The following GPC5 variants were observed in gnomAD, a reference collection of about 807,000 sequenced individuals.
GPC5 encodes the protein glypican 5, also known as glypican-5.
In GPC5, 47 loss-of-function variants were observed where a neutral mutation model predicts 53.9. That is an observed-to-expected ratio of 0.87 (90% confidence interval 0.69 to 1.11). The LOEUF is 1.11. Ranked by LOEUF, GPC5 falls within the 50% of genes most tolerant of loss-of-function variation. The probability of loss-of-function intolerance (pLI) is 0.00; values close to 1 mark genes in which losing one functional copy is unlikely to be tolerated. For missense variants in GPC5, 748 were observed against 713.1 expected (o/e 1.05, Z -0.56); for synonymous variants, 286 against 263.3 (o/e 1.09, Z -0.84).
At chr13:92,044,427 G>C (rs1246215040) in intron 6 of GPC5, among the ~76,000 whole-genome samples, 1 of 152,204 alleles carries the variant, frequency 6.6e-6, no homozygotes, top group African/African-American at 2.4e-5. Flanking sequence ...CATAGAATCA[G>C]AAGATGTCAT....
intron 1 of GPC5, among the ~76,000 whole-genome samples, chr13:91,405,273 A>G (rs1877236738): frequency 6.6e-6 from 1 of 152,166 alleles, no homozygotes; most frequent in Admixed American, 6.5e-5. Context: ...TGTGTATTGT[A>G]GAATGTTCAG....
intron 7 of GPC5, among the ~76,000 whole-genome samples, chr13:92,504,842 C>T (rs995629471): frequency 6.6e-6 from 1 of 151,852 alleles, no homozygotes; most frequent in Non-Finnish European, 1.5e-5. Context: ...CTAAATTGAT[C>T]ATAGATGTAC....
intron 5 of GPC5, among the ~76,000 whole-genome samples, chr13:91,844,888 G>T (rs1193654462): frequency 6.6e-6 from 1 of 152,002 alleles, no homozygotes; most frequent in East Asian, 1.9e-4. Context: ...ACCATGCCCA[G>T]CTAATTTTGC....
intron 2 of GPC5, among the ~76,000 whole-genome samples, chr13:91,610,679 A>T (rs544076416): frequency 6.6e-6 from 1 of 152,296 alleles, no homozygotes; most frequent in South Asian, 2.1e-4. Context: ...TTCATCTGTG[A>T]ATTTTTAAAA....
intron 2 of GPC5, among the ~76,000 whole-genome samples, chr13:91,466,184 T>TCA (rs980516104): frequency 1.3e-4 from 20 of 152,140 alleles, no homozygotes; most frequent in East Asian, 5.8e-4. Flanking sequence ...AACAGTTCCA[T>TCA]CACACACACA....
At chr13:92,247,544 T>C (rs2042661463) in intron 7 of GPC5, among the ~76,000 whole-genome samples, 1 of 152,146 alleles carries the variant, frequency 6.6e-6, no homozygotes, top group Non-Finnish European at 1.5e-5. Context: ...ATAGAAATTC[T>C]TTATTAGAAT....
chr13:92,384,142 C>G (rs185725286), intron 7 of GPC5, among the ~76,000 whole-genome samples: 1 of 150,134 alleles, frequency 6.7e-6, no homozygotes, highest in African/African-American at 2.5e-5. Flanking sequence ...TTTTTTCACT[C>G]CAGGTTATTT....
rs113000209 is a variant in GPC5 at position 91,806,741 on chromosome 13, G to A, written c.1280+50321G>A. Among the ~76,000 whole-genome samples, 1,483 of 152,278 alleles carry A rather than the reference G, an allele frequency of 9.7e-3. 20 individuals carry two copies. Among genetic ancestry groups the A allele is most frequent in the African/African-American group, 0.034 (1,422 of 41,560 alleles). ...TCAATAGAATTTTCACTAAAGAGGAGCTGTGAGTATATTAGTGAGAGTGGG... is the reference window on the plus strand; with the variant it reads ...TCAATAGAATTTTCACTAAAGAGGAACTGTGAGTATATTAGTGAGAGTGGG... On this transcript the variant is annotated intron_variant, in intron 5 of 7. Coordinates refer to ENST00000377067, the MANE Select transcript of GPC5 (RefSeq NM_004466.6).
chr13:92,100,393 C>A (rs528695230), intron 6 of GPC5, among the ~76,000 whole-genome samples: 66 of 152,162 alleles, frequency 4.3e-4, no homozygotes, highest in Admixed American at 9.2e-4. Context: ...CAGAGTGAGA[C>A]CTCATCTCAA....
chr13:92,246,703 G>C (rs2042653642), intron 7 of GPC5, among the ~76,000 whole-genome samples: 2 of 152,114 alleles, frequency 1.3e-5, no homozygotes, highest in Admixed American at 1.3e-4. Context: ...ACAGTATAGA[G>C]TTCCATTTTC....
At chr13:92,858,721 G>A (rs1229587441) in intron 7 of GPC5, among the ~76,000 whole-genome samples, 1 of 152,078 alleles carries the variant, frequency 6.6e-6, no homozygotes, top group Non-Finnish European at 1.5e-5. Flanking sequence ...CACTGTCTGG[G>A]TGATGGGATC....
chr13:92,047,766 C>G (rs529874504), intron 6 of GPC5, among the ~76,000 whole-genome samples: 6 of 137,026 alleles, frequency 4.4e-5, no homozygotes, highest in Admixed American at 2.4e-4. Flanking sequence ...GTCAGGAGAT[C>G]GAGACCATCC....
At chr13:91,630,474 A>G (rs1169253078) in intron 2 of GPC5, among the ~76,000 whole-genome samples, 5 of 152,176 alleles carry the variant, frequency 3.3e-5, no homozygotes, top group African/African-American at 9.7e-5. Flanking sequence ...GATATAGAAA[A>G]TATTATCTTG....
chr13:91,558,986 G>T (rs894661988), intron 2 of GPC5, among the ~76,000 whole-genome samples: 1 of 151,928 alleles, frequency 6.6e-6, no homozygotes, highest in African/African-American at 2.4e-5. Flanking sequence ...AATTCTTTAT[G>T]GTGAACACTT....
At chr13:92,360,332 C>A (rs1201871672) in intron 7 of GPC5, among the ~76,000 whole-genome samples, 1 of 151,602 alleles carries the variant, frequency 6.6e-6, no homozygotes, top group Admixed American at 6.6e-5. Context: ...ATATGCAAAT[C>A]AATAAATGTG....
chr13:92,427,475 T>C (rs960409269), intron 7 of GPC5, among the ~76,000 whole-genome samples: 2 of 81,870 alleles, frequency 2.4e-5, no homozygotes, highest in African/African-American at 1.5e-4. Flanking sequence ...AGTGAGGGAA[T>C]GGTGAGAGAG....
At chr13:92,038,635 C>T (rs1488908315) in intron 6 of GPC5, among the ~76,000 whole-genome samples, 4 of 150,808 alleles carry the variant, frequency 2.7e-5, no homozygotes, top group Non-Finnish European at 5.9e-5. Flanking sequence ...ATGAATATTT[C>T]TCCCTCAATG....
At chr13:92,322,234 G>A (rs1422323099) in intron 7 of GPC5, among the ~76,000 whole-genome samples, 1 of 151,656 alleles carries the variant, frequency 6.6e-6, no homozygotes, top group African/African-American at 2.4e-5. Context: ...CTTTAAAGGG[G>A]AGATGAGCAA....
intron 7 of GPC5, among the ~76,000 whole-genome samples, chr13:92,405,108 GA>G (rs146819389): frequency 0.03 from 4,036 of 132,390 alleles, 442 homozygotes; most frequent in African/African-American, 0.11. Context: ...ATGCATTTAA[GA>G]AAGAATAATA....
Sources: allele counts gnomAD v4.1 joint callset (sites outside exome capture counted in the v4.1 genomes callset), GRCh38; gene constraint gnomAD v4.1.1; transcripts MANE v1.5; gene names NCBI Gene and HGNC (gene_info 2026-07-23, HGNC 2026-07-21).